HDX: variants seen among roughly 807,000 people sequenced by gnomAD.
HDX encodes chromosome X open reading frame 43.
A neutral mutation model predicts 45.2 loss-of-function variants in HDX; 19 were observed. That is an observed-to-expected ratio of 0.42 (90% CI 0.29 to 0.62). HDX has a LOEUF of 0.62. Ranked by LOEUF, HDX falls within the 20% of genes least tolerant of loss-of-function variation. HDX has a pLI of 0.20. For synonymous variants in HDX, 188 were observed against 172.8 expected (o/e 1.09, Z -0.69); for missense variants, 532 against 493.9 (o/e 1.08, Z -0.73).
intron 7 of HDX, among the ~76,000 whole-genome samples, chrX:84,337,627 A>C (rs1006062293): frequency 3.6e-5 from 4 of 111,526 alleles, no homozygotes; most frequent in African/African-American, 1.3e-4. Flanking sequence ...ACTCCTGTAT[A>C]TATGCTAAGA....
At chrX:84,455,653 T>C (rs771595142) in intron 4 of HDX, among the ~76,000 whole-genome samples, 1 of 111,682 alleles carries the variant, frequency 9.0e-6, no homozygotes, top group African/African-American at 3.2e-5. Flanking sequence ...GAGTATAAAG[T>C]TTATTCAAAG....
chrX:84,430,663 G>C (rs1210765768), intron 5 of HDX, among the ~76,000 whole-genome samples: 6 of 95,833 alleles, frequency 6.3e-5, no homozygotes, highest in Non-Finnish European at 1.3e-4. Context: ...TCTTTTCTCT[G>C]CATCCTCGCC....
At chrX:84,354,606 T>C (rs2037430519) in intron 6 of HDX, among the ~76,000 whole-genome samples, 1 of 109,747 alleles carries the variant, frequency 9.1e-6, no homozygotes, top group African/African-American at 3.3e-5. Context: ...GATAAGCAAA[T>C]AGAAAAACAA....
At chrX:84,363,836 T>G (rs2037677436) in intron 5 of HDX, among the ~76,000 whole-genome samples, 1 of 111,601 alleles carries the variant, frequency 9.0e-6, no homozygotes. Flanking sequence ...CCACTTTCAC[T>G]TTGCAAGGCA....
chrX:84,380,945 A>G (rs1200514771), intron 5 of HDX, among the ~76,000 whole-genome samples: 5 of 111,185 alleles, frequency 4.5e-5, no homozygotes, highest in Non-Finnish European at 7.6e-5. Flanking sequence ...TTTGCAAATG[A>G]TATGATCTTA....
Position 84,373,662 on chromosome X carries a change from T to C in HDX, c.1306-12050A>G, listed in dbSNP as rs1424838313. On this transcript the variant is annotated intron_variant, in intron 5 of 10. Coordinates refer to ENST00000373177, the MANE Select transcript of HDX (RefSeq NM_001177479.2). ...AACAGAACCAAAGACAAAAACCACA[T>C]GATTATCTCAATAGATGCAGAAAAG... 2.0e-4 allele frequency among the ~76,000 whole-genome samples: 22 copies of C among 110,908 alleles called. No individual in the cohort carries two copies. The Admixed American group carries it at 2.0e-3, about 10-fold the overall frequency.
intron 9 of HDX, among the ~76,000 whole-genome samples, chrX:84,328,868 C>T (rs2036779710): frequency 9.0e-6 from 1 of 111,721 alleles, no homozygotes; most frequent in Non-Finnish European, 1.9e-5. Flanking sequence ...GAGAAATGTG[C>T]CCAAGGTGGT....
At chrX:84,375,659 C>T (rs2038034452) in intron 5 of HDX, among the ~76,000 whole-genome samples, 1 of 109,409 alleles carries the variant, frequency 9.1e-6, no homozygotes, top group Non-Finnish European at 1.9e-5. Flanking sequence ...AAACCAAACA[C>T]CGCATTTTCT....
intron 5 of HDX, among the ~76,000 whole-genome samples, chrX:84,420,032 A>G (rs904948100): frequency 8.9e-6 from 1 of 111,771 alleles, no homozygotes; most frequent in Non-Finnish European, 1.9e-5. Flanking sequence ...TGGAAAGGAC[A>G]GCTACAAATA....
At chrX:84,501,307 A>G (rs1038750702) in intron 1 of HDX, 3 of 111,677 alleles carry the variant, frequency 2.7e-5, no homozygotes, top group Non-Finnish European at 3.8e-5. Flanking sequence ...ATTTGACTTC[A>G]GTGATTCTAG....
At chrX:84,452,946 C>A (rs1408951312) in intron 4 of HDX, among the ~76,000 whole-genome samples, 1 of 111,564 alleles carries the variant, frequency 9.0e-6, no homozygotes, top group Non-Finnish European at 1.9e-5. Context: ...AAAGAAAAGG[C>A]AACAAAAACA....
chrX:84,359,285 A>T (rs1336441766), intron 6 of HDX, among the ~76,000 whole-genome samples: 1 of 110,582 alleles, frequency 9.0e-6, no homozygotes, highest in Non-Finnish European at 1.9e-5. Context: ...TGCACTTATC[A>T]ACCCATGAAC....
intron 8 of HDX, 50 bp from the exon 9 acceptor site, chrX:84,333,892 A>G (rs764620975): frequency 1.6e-5 from 8 of 506,947 alleles, no homozygotes; most frequent in Non-Finnish European, 2.4e-5. Context: ...CATTCTTACT[A>G]CACTCAGCAA....
chrX:84,473,070 T>C (rs1602522144), intron 3 of HDX, among the ~76,000 whole-genome samples: 1 of 109,321 alleles, frequency 9.1e-6, no homozygotes, highest in Middle Eastern at 4.9e-3. Context: ...ATCCTTAGTG[T>C]CCATAAATTT....
chrX:84,465,271 C>T (rs1053789773), intron 4 of HDX, among the ~76,000 whole-genome samples: 3 of 112,001 alleles, frequency 2.7e-5, no homozygotes, highest in African/African-American at 9.8e-5. Context: ...GGCAAATCCT[C>T]AACGATCTAG....
At chrX:84,324,266 T>C (rs888647217) in intron 10 of HDX, among the ~76,000 whole-genome samples, 1 of 111,282 alleles carries the variant, frequency 9.0e-6, no homozygotes, top group Non-Finnish European at 1.9e-5. Context: ...GGAAGAAAAC[T>C]GAAGATCTTT....
At chrX:84,377,765 C>T (rs1265598342) in intron 5 of HDX, among the ~76,000 whole-genome samples, 1 of 110,475 alleles carries the variant, frequency 9.1e-6, no homozygotes, top group Non-Finnish European at 1.9e-5. Flanking sequence ...AGAAAATAGA[C>T]TCAAAAGGGC....
intron 3 of HDX, among the ~76,000 whole-genome samples, chrX:84,472,674 T>G (rs1382347370): frequency 2.7e-5 from 3 of 111,319 alleles, no homozygotes; most frequent in African/African-American, 6.5e-5. Flanking sequence ...TACCAAGTTG[T>G]GAGTATTATT....
At chrX:84,438,902 G>A (rs1258264220) in intron 5 of HDX, among the ~76,000 whole-genome samples, 2 of 111,551 alleles carry the variant, frequency 1.8e-5, no homozygotes, top group South Asian at 7.5e-4. Flanking sequence ...TATATACCCA[G>A]TAGAGGCATT....
Sources: gnomAD v4.1 joint callset for allele counts (sites outside exome capture counted in the v4.1 genomes callset) on GRCh38, gnomAD v4.1.1 for gene constraint, MANE v1.5 for transcripts, NCBI Gene and HGNC (gene_info 2026-07-23, HGNC 2026-07-21) for gene names.